Variants in PINLYP observed in about 807,000 individuals in gnomAD.
The protein encoded by PINLYP is phospholipase A2 inhibitor and LY6/PLAUR domain containing.
Under a neutral mutation model 15.8 loss-of-function variants are expected in PINLYP, and 12 were observed. The ratio of observed to expected loss-of-function variants is 0.76; its 90% confidence interval spans 0.49 to 1.23. The LOEUF (loss-of-function observed/expected upper bound fraction) is 1.23, where lower values mean the gene tolerates loss of function less well. Ranked by LOEUF, PINLYP falls within the 50% of genes most tolerant of loss-of-function variation. PINLYP has a pLI of 0.00. For missense variants in PINLYP, 278 were observed against 264.2 expected (o/e 1.05, Z -0.36); for synonymous variants, 93 against 97.7 (o/e 0.95, Z 0.28).
chr19:43,576,448 A>G lies in PINLYP; in HGVS notation c.-549A>G, dbSNP rs1012552725. ...AAGAGAAGGGTTCTGCGTCCTAAAT[A>G]TAACACAAAGCATGTGCCCAACCCC... is the stretch of plus-strand genomic sequence containing the variant. On this transcript the variant is annotated 5_prime_UTR_variant, in exon 1 of 6. The change creates a new upstream start codon in the 5' untranslated region. Coordinates refer to ENST00000599207, the Ensembl canonical transcript of PINLYP. Among the ~76,000 whole-genome samples, 2 of 151,602 alleles carry G rather than the reference A, an allele frequency of 1.3e-5. No individual in the cohort carries two copies. Among genetic ancestry groups the G allele is most frequent in the African/African-American group, 4.9e-5 (2 of 41,204 alleles).
chr19:43,579,368 C>T (rs1410853959), intron 3 of PINLYP, among the ~76,000 whole-genome samples: 1 of 151,946 alleles, frequency 6.6e-6, no homozygotes, highest in Non-Finnish European at 1.5e-5. Context: ...GCCTCAGCCT[C>T]CCGAGTAGCT....
At chr19:43,581,983 G>C in exon 6 of PINLYP, 1 of 1,536,262 alleles carries the variant, frequency 6.5e-7, no homozygotes, top group African/African-American at 1.4e-5. Flanking sequence ...ATCATATAGA[G>C]TGCACTCACT....
At chr19:43,576,638 T>C (rs986790534) in exon 1 of PINLYP, among the ~76,000 whole-genome samples, 7 of 152,222 alleles carry the variant, frequency 4.6e-5, no homozygotes, top group Middle Eastern at 3.4e-3. Context: ...GGTGCAGCCC[T>C]GGGTGGGGTC....
At chr19:43,580,013 G>A (rs369802741) in intron 3 of PINLYP, among the ~76,000 whole-genome samples, 10 of 152,288 alleles carry the variant, frequency 6.6e-5, no homozygotes, top group African/African-American at 2.4e-4. Context: ...GTGGGGGACA[G>A]AGATGTTTAT....
chr19:43,577,101 AT>A lies in PINLYP; in HGVS notation c.-77-11del. 6.5e-7 allele frequency: 1 copy of A among 1,534,470 alleles called. No individual in the cohort carries two copies. Among genetic ancestry groups the A allele is most frequent in the Non-Finnish European group, 8.7e-7 (1 of 1,146,354 alleles). ...ACTGCCCTGGGTTCTGACCTCAGCT[AT>A]TTCTCCCCGTAGGGTGAATGTGGGT... On this transcript the variant is annotated splice_polypyrimidine_tract_variant and intron_variant, in intron 1 of 5. Coordinates refer to ENST00000599207, the Ensembl canonical transcript of PINLYP.
At chr19:43,575,600 G>C, upstream of PINLYP, 1 of 774,316 alleles carries the variant, frequency 1.3e-6, no homozygotes, top group Non-Finnish European at 2.0e-6. Context: ...TCAAACCCCG[G>C]CGCGCCGGCG....
rs35099263 is a variant in PINLYP at position 43,576,476 on chromosome 19, C to CCACA, written c.-505_-502dup. Among the ~76,000 whole-genome samples, 111 of 150,554 alleles carry CCACA rather than the reference C, an allele frequency of 7.4e-4. 1 individual carries two copies. Among genetic ancestry groups the CCACA allele is most frequent in the South Asian group, 1.3e-3 (6 of 4,770 alleles). The stretch of plus-strand genomic sequence containing the variant: ...ACACAAAGCATGTGCCCAACCCCCA[C>CCACA]CACACACACACACACACACCCCTAT... On this transcript the variant is annotated 5_prime_UTR_variant, in exon 1 of 6. The change abolishes the stop of an existing upstream ORF in the 5' untranslated region. Coordinates refer to ENST00000599207, the Ensembl canonical transcript of PINLYP.
At position 43,580,394 on chromosome 19, in the gene PINLYP, G is replaced by A. The variant is rs1972915561; in HGVS notation, c.188-818G>A. The A allele has an allele frequency of 1.1e-5, 4 of 353,552 alleles. No homozygotes were observed. The South Asian group carries it at 4.6e-4, about 41-fold the overall frequency. The allele number at this position is 353,552 out of a possible 1,614,324, so 21.9% of individuals were successfully genotyped here. ...AACAAGACCTGAAAATAGCCAAGAG[G>A]GGCAGCAAGAGACCCTCGTTGGGAG... On this transcript the variant is annotated intron_variant, in intron 3 of 5. Transcript: ENST00000599207.
In PINLYP at chr19:43,581,612, T is replaced by G. The variant is rs1366101238; in HGVS notation, c.390T>G (p.Thr130=). ...ATGGCCTGATGTGCCCCGCCTGCAC[T>G]GCGAGCTTCAGGGACAAATGCATGG... The change falls in exon 5 of 6, where the codon ACT becomes ACG. Residue 130 remains threonine, a synonymous_variant. Coordinates refer to ENST00000599207, the Ensembl canonical transcript of PINLYP. The G allele has an allele frequency of 2.6e-6, 4 of 1,536,572 alleles. No individual in the cohort carries two copies. The Admixed American group carries it at 7.8e-5, about 30-fold the overall frequency.
intron 3 of PINLYP, 152 bp from the exon 4 acceptor site, chr19:43,581,059 TA>T: frequency 2.7e-4 from 262 of 957,338 alleles, no homozygotes; most frequent in Middle Eastern, 3.4e-4. Context: ...CAACTCCGTC[TA>T]AAAAAAATAA....
intron 3 of PINLYP, chr19:43,580,411 C>A (rs2146083415): frequency 4.0e-6 from 2 of 501,016 alleles, no homozygotes; most frequent in East Asian, 3.1e-4. Flanking sequence ...AAGAGACCCT[C>A]GTTGGGAGGT....
At chr19:43,576,942 T>C in intron 1 of PINLYP, 23 bp downstream of exon 1, 1 of 536,082 alleles carries the variant, frequency 1.9e-6, no homozygotes, top group East Asian at 3.2e-5. Flanking sequence ...GGTGGTGACT[T>C]TCTGGGTTCT....
intron 2 of PINLYP, 117 bp downstream of exon 2, chr19:43,577,378 G>T: frequency 3.6e-6 from 4 of 1,102,820 alleles, no homozygotes; most frequent in Non-Finnish European, 4.9e-6. Context: ...AAGGTGAACG[G>T]GGAGGCATTC....
At chr19:43,577,372 T>G in intron 2 of PINLYP, 111 bp downstream of exon 2, 1 of 1,157,536 alleles carries the variant, frequency 8.6e-7, no homozygotes, top group Admixed American at 3.0e-5. Flanking sequence ...GTCCTCAAGG[T>G]GAACGGGGAG....
chr19:43,577,298 C>G (rs1232001535), intron 2 of PINLYP, 37 bp downstream of exon 2: 34 of 1,523,520 alleles, frequency 2.2e-5, no homozygotes, highest in Non-Finnish European at 2.9e-5. Context: ...TCTGGGACCT[C>G]AGGAAGAGAG....
upstream of PINLYP, chr19:43,575,795 G>C (rs1379476864): frequency 2.2e-5 from 6 of 268,660 alleles, no homozygotes; most frequent in Non-Finnish European, 3.5e-5. Context: ...GCGACCTCCG[G>C]GATTGGTGTC....
At chr19:43,578,732 G>A (rs1399485815) in intron 3 of PINLYP, 26 bp downstream of exon 3, 27 of 1,502,508 alleles carry the variant, frequency 1.8e-5, no homozygotes, top group Non-Finnish European at 2.4e-5. Flanking sequence ...CTGGGACCTG[G>A]TGGGGAGGTG....
At chr19:43,576,479 C>T (rs1392196919) in exon 1 of PINLYP, among the ~76,000 whole-genome samples, 1 of 150,978 alleles carries the variant, frequency 6.6e-6, no homozygotes, top group Non-Finnish European at 1.5e-5. Flanking sequence ...ACCCCCACCA[C>T]ACACACACAC....
intron 3 of PINLYP, among the ~76,000 whole-genome samples, chr19:43,579,429 T>C (rs949073903): frequency 1.3e-5 from 2 of 151,578 alleles, no homozygotes; most frequent in African/African-American, 4.8e-5. Flanking sequence ...TATTTTTTAG[T>C]AGAGACGGGG....
Sources: gnomAD v4.1 joint callset for allele counts (sites outside exome capture counted in the v4.1 genomes callset) on GRCh38, gnomAD v4.1.1 for gene constraint, MANE v1.5 for transcripts, NCBI Gene and HGNC (gene_info 2026-07-23, HGNC 2026-07-21) for gene names.